Variants in ZNF503 observed in about 807,000 individuals in gnomAD.
ZNF503 encodes zinc finger protein 503.
Under a neutral mutation model 34.4 loss-of-function variants are expected in ZNF503, and 15 were observed. That is an observed-to-expected ratio of 0.44 (90% CI 0.29 to 0.67). ZNF503 has a LOEUF of 0.67. Among genes scored for constraint, ZNF503 ranks in the 30% least tolerant of loss-of-function variants. The probability of loss-of-function intolerance (pLI) is 0.13; values close to 1 mark genes in which losing one functional copy is unlikely to be tolerated. For missense variants in ZNF503, 1,007 were observed against 926.8 expected, an observed-to-expected ratio of 1.09 and a Z score of -1.12; for synonymous variants, 580 against 456.8, an observed-to-expected ratio of 1.27 and a Z score of -3.44.
the ZNF503 span, among the ~76,000 whole-genome samples, chr10:75,309,685 G>A: frequency 6.6e-6 from 1 of 152,182 alleles, no homozygotes; most frequent in South Asian, 2.1e-4. Flanking sequence ...GAAAATTAAT[G>A]TCTTGCTTTA....
chr10:75,373,732 G>C, the ZNF503 span, among the ~76,000 whole-genome samples: 3 of 152,192 alleles, frequency 2.0e-5, no homozygotes, highest in African/African-American at 7.2e-5. Flanking sequence ...AACAAGGAGA[G>C]GAATTTCCTA....
the ZNF503 span, among the ~76,000 whole-genome samples, chr10:75,382,209 T>C: frequency 6.6e-6 from 1 of 151,988 alleles, no homozygotes; most frequent in Admixed American, 6.6e-5. Context: ...GGAGTCATAC[T>C]TTTTTTTCAT....
the ZNF503 span, among the ~76,000 whole-genome samples, chr10:75,327,717 C>G: frequency 6.6e-6 from 1 of 152,084 alleles, no homozygotes; most frequent in Non-Finnish European, 1.5e-5. Flanking sequence ...TTTCCACTAA[C>G]CGTGTGTAAT....
downstream of ZNF503, among the ~76,000 whole-genome samples, chr10:75,393,643 G>A (rs1843667851): frequency 6.6e-6 from 1 of 152,184 alleles, no homozygotes. Context: ...AGTCACTTGA[G>A]GTCAGGAGTT....
the ZNF503 span, among the ~76,000 whole-genome samples, chr10:75,367,775 G>T: frequency 6.6e-6 from 1 of 152,124 alleles, no homozygotes; most frequent in African/African-American, 2.4e-5. Context: ...TACTATTCCT[G>T]GTTATTATTT....
chr10:75,293,666 C>T, the ZNF503 span, among the ~76,000 whole-genome samples: 4 of 151,060 alleles, frequency 2.6e-5, no homozygotes, highest in Admixed American at 6.6e-5. Flanking sequence ...TGTGTGTGTG[C>T]GCATGTGTGT....
At chr10:75,337,937 G>A in the ZNF503 span, among the ~76,000 whole-genome samples, 1 of 152,176 alleles carries the variant, frequency 6.6e-6, no homozygotes, top group African/African-American at 2.4e-5. Flanking sequence ...AAATGCTTAT[G>A]GAGAATATAG....
chr10:75,317,300 C>T, the ZNF503 span, among the ~76,000 whole-genome samples: 16 of 103,980 alleles, frequency 1.5e-4, no homozygotes, highest in African/African-American at 5.0e-4. Context: ...TTTTTTGAGA[C>T]GGAGTCTCGC....
chr10:75,326,766 G>A, the ZNF503 span, among the ~76,000 whole-genome samples: 8 of 151,984 alleles, frequency 5.3e-5, no homozygotes, highest in African/African-American at 2.4e-5. Context: ...TGCCCCCTGG[G>A]TTCAAGTGAT....
the ZNF503 span, among the ~76,000 whole-genome samples, chr10:75,391,323 C>T: frequency 6.6e-6 from 1 of 152,164 alleles, no homozygotes; most frequent in Non-Finnish European, 1.5e-5. Flanking sequence ...CCTTTTACCT[C>T]TTGTTCCTCT....
the ZNF503 span, among the ~76,000 whole-genome samples, chr10:75,349,205 T>C: frequency 6.6e-6 from 1 of 152,260 alleles, no homozygotes; most frequent in South Asian, 2.1e-4. Flanking sequence ...TATGGATATA[T>C]GTATTTTTAA....
At chr10:75,353,388 G>A in the ZNF503 span, among the ~76,000 whole-genome samples, 3 of 152,152 alleles carry the variant, frequency 2.0e-5, no homozygotes, top group African/African-American at 7.2e-5. Context: ...GGAGACCTTT[G>A]ACCCTGGCAG....
chr10:75,300,952 C>T, the ZNF503 span, among the ~76,000 whole-genome samples: 503 of 152,126 alleles, frequency 3.3e-3, 3 homozygotes, highest in African/African-American at 0.012. Context: ...GATCCACCCC[C>T]CTGGGTCTCC....
the ZNF503 span, among the ~76,000 whole-genome samples, chr10:75,389,645 G>C: frequency 1.3e-5 from 2 of 152,112 alleles, no homozygotes; most frequent in African/African-American, 4.8e-5. Flanking sequence ...CAGGAGAATC[G>C]CTGGAACTCA....
the ZNF503 span, among the ~76,000 whole-genome samples, chr10:75,381,750 G>C: frequency 6.8e-6 from 1 of 147,152 alleles, no homozygotes; most frequent in Non-Finnish European, 1.5e-5. Context: ...GCAGTGGGGG[G>C]ACAAATGGAT....
the ZNF503 span, among the ~76,000 whole-genome samples, chr10:75,321,548 C>T: frequency 6.6e-6 from 1 of 152,102 alleles, no homozygotes; most frequent in Non-Finnish European, 1.5e-5. Context: ...ACAATGAAGT[C>T]CAGGCTGAGG....
the ZNF503 span, among the ~76,000 whole-genome samples, chr10:75,363,309 C>T: frequency 7.2e-5 from 11 of 152,162 alleles, no homozygotes; most frequent in Admixed American, 6.5e-4. Context: ...TGACTTGGCT[C>T]GAGCAGTCCC....
chr10:75,315,477 A>G, the ZNF503 span, among the ~76,000 whole-genome samples: 1 of 152,246 alleles, frequency 6.6e-6, no homozygotes, highest in Non-Finnish European at 1.5e-5. Context: ...TAAAGTGTGG[A>G]GTTTCTATAT....
chr10:75,398,582 T>C lies in ZNF503; in HGVS notation c.*167A>G. 1.9e-6 allele frequency: 1 copy of C among 522,926 alleles called. No individual in the cohort carries two copies. Among genetic ancestry groups the C allele is most frequent in the Admixed American group, 4.4e-5 (1 of 22,878 alleles). 32.4% of individuals were successfully genotyped at this position (522,926 alleles called of 1,614,324 possible). ...GAGAAGGGGAGTGTCCCACCGGGTC[T>C]CGGTCGCTGCTGTCGGGTAGATAGA... On this transcript the variant is annotated 3_prime_UTR_variant, in exon 2 of 2. Transcript: ENST00000372524.
Sources: gnomAD v4.1 joint callset for allele counts (sites outside exome capture counted in the v4.1 genomes callset) on GRCh38, gnomAD v4.1.1 for gene constraint, MANE v1.5 for transcripts, NCBI Gene and HGNC (gene_info 2026-07-23, HGNC 2026-07-21) for gene names.